Variants in PPP1R9A observed in about 807,000 individuals in gnomAD.
PPP1R9A encodes protein phosphatase 1 regulatory subunit 9A.
In PPP1R9A, 59 loss-of-function variants were observed where a neutral mutation model predicts 141.9. The observed-to-expected ratio is 0.42, with a 90% CI of 0.34 to 0.52. The LOEUF (loss-of-function observed/expected upper bound fraction) is 0.52, where lower values mean the gene tolerates loss of function less well. Among genes scored for constraint, PPP1R9A ranks in the 20% least tolerant of loss-of-function variants. The pLI, the probability that PPP1R9A is intolerant of heterozygous loss-of-function variation, is 0.10. For synonymous variants in PPP1R9A, 500 were observed against 569.7 expected, an observed-to-expected ratio of 0.88 and a Z score of 1.74; for missense variants, 1,444 against 1,611.9, an observed-to-expected ratio of 0.90 and a Z score of 1.78.
At chr7:95,260,291 G>A (rs1356087668) in intron 12 of PPP1R9A, among the ~76,000 whole-genome samples, 1 of 152,150 alleles carries the variant, frequency 6.6e-6, no homozygotes, top group East Asian at 1.9e-4. Context: ...GTTGCAAATT[G>A]ACAGCTCTGC....
chr7:95,077,224 A>T (rs6651106), intron 2 of PPP1R9A, among the ~76,000 whole-genome samples: 1 of 151,802 alleles, frequency 6.6e-6, no homozygotes. Flanking sequence ...TTTGTTTCTA[A>T]TAATCACTTT....
At position 95,095,256 on chromosome 7, in the gene PPP1R9A, T is replaced by A. The variant is rs529816152; in HGVS notation, c.1396-16003T>A. On this transcript the variant is annotated intron_variant, in intron 2 of 19. Coordinates refer to ENST00000433360, the MANE Select transcript of PPP1R9A (RefSeq NM_001166160.2). ...AATTACCAGTTTTTCTAGTGTGTTC[T>A]TTTATGTGGATGGTTTCTGAGGCTG... 4.9e-4 allele frequency among the ~76,000 whole-genome samples: 74 copies of A among 152,296 alleles called. 1 individual carries two copies. Among genetic ancestry groups the A allele is most frequent in the Non-Finnish European group, 8.8e-5 (6 of 68,032 alleles).
chr7:95,056,363 A>G lies in PPP1R9A; in HGVS notation c.1396-54896A>G, dbSNP rs546398184. Among the ~76,000 whole-genome samples, 16 of 152,316 alleles carry G rather than the reference A, an allele frequency of 1.1e-4. No individual in the cohort carries two copies. In the South Asian group the frequency reaches 3.3e-3, roughly 32 times the overall value. ...TATGTGGTATTCACCCTGCCACCCA[A>G]CAGATCAATATGCTGGTTTATCGTC... On this transcript the variant is annotated intron_variant, in intron 2 of 19. Transcript: ENST00000433360.
At chr7:95,010,020 C>T (rs990467607) in intron 2 of PPP1R9A, among the ~76,000 whole-genome samples, 9 of 152,166 alleles carry the variant, frequency 5.9e-5, no homozygotes, top group African/African-American at 1.7e-4. Flanking sequence ...ATTTCTGGTA[C>T]TGTATGTACT....
At chr7:94,913,268 T>C (rs1791669700) in intron 2 of PPP1R9A, among the ~76,000 whole-genome samples, 1 of 152,168 alleles carries the variant, frequency 6.6e-6, no homozygotes, top group Non-Finnish European at 1.5e-5. Context: ...GATTTATCAT[T>C]GAAATGTGTC....
intron 2 of PPP1R9A, among the ~76,000 whole-genome samples, chr7:94,953,197 C>T (rs182684360): frequency 6.6e-6 from 1 of 152,252 alleles, no homozygotes; most frequent in East Asian, 1.9e-4. Flanking sequence ...TTTCCCAACA[C>T]CATTTATTAA....
chr7:95,288,522 C>A lies in PPP1R9A; in HGVS notation c.3730-14C>A. 1.9e-6 allele frequency: 3 copies of A among 1,612,734 alleles called. No homozygotes were observed. The South Asian group carries it at 3.3e-5, about 18-fold the overall frequency. On this transcript the variant is annotated splice_polypyrimidine_tract_variant and intron_variant, in intron 18 of 19. Transcript: ENST00000433360. Reference sequence around the variant, plus strand: ...TTGGTCCTTTAACAACACTACGTAACATTCCTATCTTAGATCCTTGATGAT... The same window carrying A: ...TTGGTCCTTTAACAACACTACGTAAAATTCCTATCTTAGATCCTTGATGAT...
intron 7 of PPP1R9A, among the ~76,000 whole-genome samples, chr7:95,216,315 A>G (rs1201039421): frequency 6.6e-6 from 1 of 152,064 alleles, no homozygotes; most frequent in African/African-American, 2.4e-5. Context: ...GTTCTGTTCC[A>G]TTGGTCTATA....
chr7:95,180,669 A>T (rs887333231), intron 5 of PPP1R9A, among the ~76,000 whole-genome samples: 1 of 152,052 alleles, frequency 6.6e-6, no homozygotes, highest in African/African-American at 2.4e-5. Context: ...ACAATCTCAA[A>T]CAAATCAGCA....
chr7:95,205,510 T>C (rs1169578361), intron 7 of PPP1R9A, among the ~76,000 whole-genome samples: 1 of 152,214 alleles, frequency 6.6e-6, no homozygotes, highest in Non-Finnish European at 1.5e-5. Flanking sequence ...ATTTTATTAG[T>C]TGAATAATTT....
chr7:95,236,861 T>C (rs1796749744), intron 8 of PPP1R9A, among the ~76,000 whole-genome samples: 1 of 151,736 alleles, frequency 6.6e-6, no homozygotes, highest in Admixed American at 6.6e-5. Context: ...TTTTTACAGA[T>C]AGAATGCCAT....
chr7:94,938,604 T>C (rs1317399207), intron 2 of PPP1R9A, among the ~76,000 whole-genome samples: 1 of 152,200 alleles, frequency 6.6e-6, no homozygotes, highest in Admixed American at 6.5e-5. Flanking sequence ...GTGGTTTATT[T>C]AAAAAATTTC....
intron 2 of PPP1R9A, among the ~76,000 whole-genome samples, chr7:94,941,610 A>AT (rs148082494): frequency 5.2e-4 from 76 of 145,170 alleles, no homozygotes; most frequent in South Asian, 1.5e-3. Context: ...ATCAGCAACT[A>AT]TTTTTTTTTT....
chr7:95,085,749 A>G (rs1338800204), intron 2 of PPP1R9A, among the ~76,000 whole-genome samples: 1 of 151,982 alleles, frequency 6.6e-6, no homozygotes, highest in Admixed American at 6.6e-5. Context: ...TTATTAGTAT[A>G]TTCTCTCAGT....
chr7:95,210,043 G>T (rs1367609626), intron 7 of PPP1R9A, among the ~76,000 whole-genome samples: 1 of 152,064 alleles, frequency 6.6e-6, no homozygotes, highest in Non-Finnish European at 1.5e-5. Flanking sequence ...GGTCCACTTT[G>T]GTCTGTCGAC....
chr7:94,976,733 T>C (rs1320339215), intron 2 of PPP1R9A, among the ~76,000 whole-genome samples: 2 of 152,192 alleles, frequency 1.3e-5, no homozygotes, highest in Non-Finnish European at 2.9e-5. Context: ...TGTTTTACTT[T>C]GATGGGATGG....
intron 4 of PPP1R9A, among the ~76,000 whole-genome samples, chr7:95,139,691 C>T (rs1477989388): frequency 6.6e-6 from 1 of 151,678 alleles, no homozygotes; most frequent in East Asian, 1.9e-4. Flanking sequence ...TGGAAAGATG[C>T]AGTCTTATTG....
intron 2 of PPP1R9A, among the ~76,000 whole-genome samples, chr7:94,974,596 G>T (rs969154858): frequency 1.3e-5 from 2 of 152,148 alleles, no homozygotes; most frequent in African/African-American, 4.8e-5. Context: ...GGGCAGTGAT[G>T]GGTCTCTTTA....
At chr7:95,057,432 G>T (rs1811653346) in intron 2 of PPP1R9A, among the ~76,000 whole-genome samples, 1 of 152,052 alleles carries the variant, frequency 6.6e-6, no homozygotes. Context: ...ATCAAAAGCT[G>T]ATGGTTTGTT....
Sources: gnomAD v4.1 joint callset for allele counts (sites outside exome capture counted in the v4.1 genomes callset) on GRCh38, gnomAD v4.1.1 for gene constraint, MANE v1.5 for transcripts, NCBI Gene and HGNC (gene_info 2026-07-23, HGNC 2026-07-21) for gene names.